Variants in PCDHGA8 observed in about 807,000 individuals in gnomAD.
PCDHGA8 encodes the protein protocadherin gamma subfamily A, 8.
A neutral mutation model predicts 59.2 loss-of-function variants in PCDHGA8; 45 were observed. That is an observed-to-expected ratio of 0.76 (90% CI 0.60 to 0.98). The LOEUF (loss-of-function observed/expected upper bound fraction) is 0.98. Among genes scored for constraint, PCDHGA8 ranks in the 50% least tolerant of loss-of-function variants. The pLI is 0.00. For synonymous variants in PCDHGA8, 531 were observed against 519.0 expected, an observed-to-expected ratio of 1.02 and a Z score of -0.32; for missense variants, 1,257 against 1,196.2, an observed-to-expected ratio of 1.05 and a Z score of -0.75.
At position 141,420,019 on chromosome 5, in the gene PCDHGA8, C is replaced by T. The variant is rs2096459006; in HGVS notation, c.2424+24782C>T. 13 of 1,614,072 alleles carry T rather than the reference C, an allele frequency of 8.1e-6. No homozygotes were observed. In the East Asian group the frequency reaches 2.7e-4, roughly 33 times the overall value. On this transcript the variant is annotated intron_variant, in intron 1 of 3. Coordinates refer to ENST00000398604, the MANE Select transcript of PCDHGA8 (RefSeq NM_032088.2). ...CTCTACGCCTGCGACAGTCTTTCAGCCCTACTGCAGGAGACTGCTTTGAGT... is the reference window on the plus strand; with the variant it reads ...CTCTACGCCTGCGACAGTCTTTCAGTCCTACTGCAGGAGACTGCTTTGAGT...
intron 1 of PCDHGA8, chr5:141,415,851 T>A: frequency 8.1e-7 from 1 of 1,228,614 alleles, no homozygotes; most frequent in Non-Finnish European, 1.1e-6. Flanking sequence ...TTGCAGAACC[T>A]TGTAGTTTAT....
chr5:141,406,662 AT>A (rs2094837131), intron 1 of PCDHGA8, among the ~76,000 whole-genome samples: 1 of 152,208 alleles, frequency 6.6e-6, no homozygotes, highest in African/African-American at 2.4e-5. Flanking sequence ...TTAATGTTAA[AT>A]TATGGAGAAT....
intron 1 of PCDHGA8, chr5:141,421,806 A>C (rs1027166084): frequency 4.3e-6 from 7 of 1,613,724 alleles, no homozygotes; most frequent in Non-Finnish European, 5.1e-6. Flanking sequence ...CCAAGAATCC[A>C]GAGCTAGTAC....
At chr5:141,418,917 C>T in intron 1 of PCDHGA8, 1 of 1,613,988 alleles carries the variant, frequency 6.2e-7, no homozygotes, top group Non-Finnish European at 8.5e-7. Context: ...ACGTCACTCT[C>T]TGATCAGATT....
intron 1 of PCDHGA8, chr5:141,441,894 G>T: frequency 2.9e-6 from 1 of 347,862 alleles, no homozygotes; most frequent in Non-Finnish European, 5.6e-6. Context: ...CCAAGGTGGT[G>T]GCTGTAGACG....
chr5:141,409,038 A>G (rs571756448), intron 1 of PCDHGA8: 9 of 1,614,026 alleles, frequency 5.6e-6, no homozygotes, highest in Non-Finnish European at 7.6e-6. Flanking sequence ...GAGATAAACT[A>G]CTACTTCCGA....
chr5:141,496,284 G>A (rs1052943936), intron 2 of PCDHGA8, among the ~76,000 whole-genome samples: 6 of 152,210 alleles, frequency 3.9e-5, no homozygotes, highest in Admixed American at 1.3e-4. Context: ...CAGTTGGTCT[G>A]AGCAGAGTGG....
rs545421792 is a variant in PCDHGA8 at position 141,414,806 on chromosome 5, C to T, written c.2424+19569C>T. ...GTGACAGCCAGCGACAGCGGGGATC[C>T]TCCACTCAGCAGCAACGTGTCGTTG... On this transcript the variant is annotated intron_variant, in intron 1 of 3. Coordinates refer to ENST00000398604, the MANE Select transcript of PCDHGA8 (RefSeq NM_032088.2). 2.2e-5 allele frequency: 36 copies of T among 1,614,244 alleles called. No individual in the cohort carries two copies. The South Asian group carries it at 3.1e-4, about 14-fold the overall frequency.
chr5:141,431,748 G>T lies in PCDHGA8; in HGVS notation c.2424+36511G>T. 1 of 1,614,196 alleles carries T rather than the reference G, an allele frequency of 6.2e-7. No homozygotes were observed. Among genetic ancestry groups the T allele is most frequent in the Non-Finnish European group, 8.5e-7 (1 of 1,180,042 alleles). Reference sequence around the variant, plus strand: ...ATGGATAATGCAGGATATTCTGCGCGAGCCAAAGTCCTGATCACTGTTCTG... The same window carrying T: ...ATGGATAATGCAGGATATTCTGCGCTAGCCAAAGTCCTGATCACTGTTCTG... On this transcript the variant is annotated intron_variant, in intron 1 of 3. Transcript: ENST00000398604. This position sits in a 1 kb window ranked among gnomAD's most constrained non-coding sequence, Gnocchi z 4.8.
rs1289890545 is a variant in PCDHGA8, at chr5:141,414,874, C to T, written c.2424+19637C>T. ...CCAGAACGACAATGCGCCCGAGATC[C>T]TGTACCCCGCCCTCCCCACAGACGG... is the stretch of plus-strand genomic sequence containing the variant. On this transcript the variant is annotated intron_variant, in intron 1 of 3. Transcript: ENST00000398604. 3.7e-6 allele frequency: 6 copies of T among 1,614,136 alleles called. No individual in the cohort carries two copies. The African/African-American group carries it at 8.0e-5, about 22-fold the overall frequency.
chr5:141,474,369 G>C (rs1424130168), intron 1 of PCDHGA8, among the ~76,000 whole-genome samples: 1 of 152,184 alleles, frequency 6.6e-6, no homozygotes, highest in Non-Finnish European at 1.5e-5. Flanking sequence ...AGTAGGTCTA[G>C]AGGAGGGCAT....
At chr5:141,410,849 CT>C (rs759346998) in intron 1 of PCDHGA8, 9,989 of 137,410 alleles carry the variant, frequency 0.073, 1 homozygote, top group South Asian at 0.15. Context: ...TTGTCTTTGT[CT>C]TTTTTTTTTT....
chr5:141,409,828 C>T (rs2154542180), intron 1 of PCDHGA8: 1 of 1,611,128 alleles, frequency 6.2e-7, no homozygotes, highest in Non-Finnish European at 8.5e-7. Flanking sequence ...CGCCCACGCT[C>T]AGCGCCAACG....
intron 2 of PCDHGA8, among the ~76,000 whole-genome samples, chr5:141,500,901 G>A (rs984072329): frequency 7.6e-5 from 11 of 144,582 alleles, no homozygotes; most frequent in African/African-American, 2.6e-4. Flanking sequence ...AGACAGTCTC[G>A]CTCTGTCTCC....
At chr5:141,437,983 A>C (rs544812394) in intron 1 of PCDHGA8, among the ~76,000 whole-genome samples, 1 of 152,056 alleles carries the variant, frequency 6.6e-6, no homozygotes, top group Admixed American at 6.5e-5. Context: ...GGATGCACCC[A>C]CCCCACCTCA....
At chr5:141,452,354 G>C (rs2154563893) in intron 1 of PCDHGA8, among the ~76,000 whole-genome samples, 1 of 152,240 alleles carries the variant, frequency 6.6e-6, no homozygotes, top group Non-Finnish European at 1.5e-5. Flanking sequence ...TTATCCAAAA[G>C]CCTTGCTTCA....
At chr5:141,409,522 G>C in intron 1 of PCDHGA8, 4 of 1,613,992 alleles carry the variant, frequency 2.5e-6, no homozygotes, top group Non-Finnish European at 3.4e-6. Context: ...GCATCACCTT[G>C]TATGTCGCTG....
Position 141,410,699 on chromosome 5 carries a change from A to C in PCDHGA8, c.2424+15462A>C, listed in dbSNP as rs760193148. On this transcript the variant is annotated intron_variant, in intron 1 of 3. Transcript: ENST00000398604. ...ATTTTAGGCATACTACTTTATTTTC[A>C]TATCTAGAATCATATGTTTAAAATC... The C allele has an allele frequency of 2.0e-6, 3 of 1,478,344 alleles. No homozygotes were observed. In the South Asian group the frequency reaches 4.0e-5, roughly 20 times the overall value. The allele number at this position is 1,478,344 out of a possible 1,614,324, so 91.6% of individuals were successfully genotyped here. A position where few individuals can be genotyped will look rare whatever the true frequency, so the allele number is the denominator to read the frequency against.
In PCDHGA8 at chr5:141,418,596, T is replaced by C; in HGVS notation, c.2424+23359T>C. On this transcript the variant is annotated intron_variant, in intron 1 of 3. Coordinates refer to ENST00000398604, the MANE Select transcript of PCDHGA8 (RefSeq NM_032088.2). Reference sequence around the variant, plus strand: ...AACCCCCCAGTGTTCAGCCAGGACGTGTACAGGGTTAGCCTTCGGGAAGAC... The same window carrying C: ...AACCCCCCAGTGTTCAGCCAGGACGCGTACAGGGTTAGCCTTCGGGAAGAC... 8.7e-6 allele frequency: 14 copies of C among 1,614,046 alleles called. No individual in the cohort carries two copies. The highest frequency in any genetic ancestry group is 1.1e-5 in the Non-Finnish European group (13 of 1,179,906).
Sources: gnomAD v4.1 joint callset for allele counts (sites outside exome capture counted in the v4.1 genomes callset) on GRCh38, gnomAD v4.1.1 for gene constraint, Gnocchi (gnomAD v3.1) non-coding constraint, MANE v1.5 for transcripts, NCBI Gene and HGNC (gene_info 2026-07-23, HGNC 2026-07-21) for gene names.